Variants in ARB2A observed in about 807,000 individuals in gnomAD.
ARB2A encodes the protein ARB2 cotranscriptional regulator A.
chr5:94,085,846 T>G, the ARB2A span, among the ~76,000 whole-genome samples: 1 of 152,186 alleles, frequency 6.6e-6, no homozygotes, highest in Non-Finnish European at 1.5e-5. Flanking sequence ...GTAGATGAAT[T>G]TTCCAAAAAT....
the ARB2A span, among the ~76,000 whole-genome samples, chr5:94,082,075 A>AAG: frequency 6.6e-6 from 1 of 152,172 alleles, no homozygotes; most frequent in Non-Finnish European, 1.5e-5. Context: ...CTAGGTATAA[A>AAG]AGAGGAGCAT....
At chr5:93,673,521 G>T in the ARB2A span, among the ~76,000 whole-genome samples, 1 of 152,144 alleles carries the variant, frequency 6.6e-6, no homozygotes, top group African/African-American at 2.4e-5. Context: ...GAACAAATTG[G>T]CATAGGAAAG....
the ARB2A span, among the ~76,000 whole-genome samples, chr5:94,057,474 G>A: frequency 5.9e-5 from 9 of 152,064 alleles, no homozygotes; most frequent in African/African-American, 1.9e-4. Context: ...GGTGATGACT[G>A]CACAACAATG....
chr5:93,897,037 C>T, the ARB2A span, among the ~76,000 whole-genome samples: 4 of 151,928 alleles, frequency 2.6e-5, no homozygotes, highest in Non-Finnish European at 4.4e-5. Flanking sequence ...GTTCCTAATA[C>T]ATAAAGGGAA....
At chr5:94,010,400 A>G in the ARB2A span, among the ~76,000 whole-genome samples, 2 of 152,156 alleles carry the variant, frequency 1.3e-5, no homozygotes, top group Non-Finnish European at 2.9e-5. Flanking sequence ...GTATATAGTC[A>G]GAAAACATAC....
the ARB2A span, among the ~76,000 whole-genome samples, chr5:94,109,908 G>A: frequency 5.6e-5 from 8 of 141,744 alleles, no homozygotes; most frequent in African/African-American, 2.1e-4. Flanking sequence ...TTCTGGAGAC[G>A]GAGTCTCGAT....
the ARB2A span, among the ~76,000 whole-genome samples, chr5:93,947,673 C>A: frequency 9.1e-6 from 1 of 110,448 alleles, no homozygotes; most frequent in Non-Finnish European, 1.8e-5. Context: ...CCCCTCCCCC[C>A]ACCCCACAAC....
At chr5:94,015,271 C>A in the ARB2A span, among the ~76,000 whole-genome samples, 37 of 152,198 alleles carry the variant, frequency 2.4e-4, no homozygotes, top group African/African-American at 8.9e-4. Flanking sequence ...AAAACAACTA[C>A]CATCTAAGCA....
chr5:94,065,059 G>A, the ARB2A span, among the ~76,000 whole-genome samples: 1 of 152,112 alleles, frequency 6.6e-6, no homozygotes, highest in Non-Finnish European at 1.5e-5. Flanking sequence ...TTAGAAATAA[G>A]CCCTCGCATA....
the ARB2A span, among the ~76,000 whole-genome samples, chr5:93,929,973 A>G: frequency 6.6e-6 from 1 of 152,214 alleles, no homozygotes; most frequent in Non-Finnish European, 1.5e-5. Context: ...TGATGCTTAC[A>G]TGACCAGACA....
chr5:93,969,041 A>C, the ARB2A span, among the ~76,000 whole-genome samples: 4 of 138,574 alleles, frequency 2.9e-5, no homozygotes, highest in African/African-American at 8.0e-5. Flanking sequence ...TTTTTTTGCC[A>C]GTAAACTTGC....
chr5:94,109,684 A>G, the ARB2A span, among the ~76,000 whole-genome samples: 1 of 152,138 alleles, frequency 6.6e-6, no homozygotes. Flanking sequence ...TATTCCAAAT[A>G]TATCAAACAC....
At chr5:93,889,294 G>A in the ARB2A span, among the ~76,000 whole-genome samples, 1 of 151,896 alleles carries the variant, frequency 6.6e-6, no homozygotes, top group South Asian at 2.1e-4. Flanking sequence ...GTGCGTGTGT[G>A]CATGTTGTGT....
the ARB2A span, among the ~76,000 whole-genome samples, chr5:94,047,323 C>T: frequency 6.6e-6 from 1 of 152,132 alleles, no homozygotes; most frequent in East Asian, 1.9e-4. Context: ...GAAACCCCAT[C>T]TCTACTAAAA....
At chr5:93,721,458 A>T in the ARB2A span, among the ~76,000 whole-genome samples, 2 of 152,168 alleles carry the variant, frequency 1.3e-5, no homozygotes, top group Non-Finnish European at 2.9e-5. Flanking sequence ...TTTTTAAAAA[A>T]GTTTTTAAAT....
At chr5:93,848,793 CAT>C in the ARB2A span, among the ~76,000 whole-genome samples, 12 of 152,186 alleles carry the variant, frequency 7.9e-5, no homozygotes, top group Admixed American at 7.9e-4. Flanking sequence ...TAGACTGTCA[CAT>C]AGTGACCTTG....
At chr5:93,686,538 C>T in the ARB2A span, among the ~76,000 whole-genome samples, 44 of 152,316 alleles carry the variant, frequency 2.9e-4, 1 homozygote, top group East Asian at 7.7e-3. Flanking sequence ...AAAATCTTTA[C>T]GGCTTCCAGT....
chr5:93,876,266 T>G, the ARB2A span, among the ~76,000 whole-genome samples: 1 of 152,180 alleles, frequency 6.6e-6, no homozygotes, highest in African/African-American at 2.4e-5. Flanking sequence ...ACTCTTGAAT[T>G]CTGTTGGCAG....
At chr5:93,648,811 C>T in the ARB2A span, among the ~76,000 whole-genome samples, 1 of 152,118 alleles carries the variant, frequency 6.6e-6, no homozygotes, top group Non-Finnish European at 1.5e-5. Flanking sequence ...TTTAATTTGT[C>T]CCGATTTCTT....
Sources: gnomAD v4.1 joint callset for allele counts (sites outside exome capture counted in the v4.1 genomes callset) on GRCh38, gnomAD v4.1.1 for gene constraint, MANE v1.5 for transcripts, NCBI Gene and HGNC (gene_info 2026-07-23, HGNC 2026-07-21) for gene names.